Variants in ZBTB20 observed in about 807,000 individuals in gnomAD.
ZBTB20 encodes the protein zinc finger and BTB domain-containing protein 20.
A neutral mutation model predicts 56.9 loss-of-function variants in ZBTB20; 9 were observed. The observed-to-expected ratio is 0.16, with a 90% CI of 0.10 to 0.28. The LOEUF (loss-of-function observed/expected upper bound fraction) is 0.28. Among genes scored for constraint, ZBTB20 ranks in the 10% least tolerant of loss-of-function variants. ZBTB20 has a pLI of 1.00. For missense variants in ZBTB20, 655 were observed against 1,003.0 expected, an observed-to-expected ratio of 0.65 and a Z score of 4.69; for synonymous variants, 417 against 420.7, an observed-to-expected ratio of 0.99 and a Z score of 0.11.
At chr3:114,883,500 T>C (rs1269946595) in intron 4 of ZBTB20, among the ~76,000 whole-genome samples, 1 of 152,198 alleles carries the variant, frequency 6.6e-6, no homozygotes, top group Non-Finnish European at 1.5e-5. Flanking sequence ...ATATACAAAA[T>C]AATGTCAAAA....
chr3:114,756,878 T>A (rs1436843963), intron 5 of ZBTB20, among the ~76,000 whole-genome samples: 4 of 152,178 alleles, frequency 2.6e-5, no homozygotes, highest in Non-Finnish European at 1.5e-5. Context: ...GACTTAAATA[T>A]GATTTTTGTT....
intron 5 of ZBTB20, among the ~76,000 whole-genome samples, chr3:114,797,205 T>C (rs997084267): frequency 2.0e-5 from 3 of 151,708 alleles, no homozygotes; most frequent in Admixed American, 6.6e-5. Context: ...ATCTTAAAAA[T>C]ATGTGATGTG....
intron 2 of ZBTB20, among the ~76,000 whole-genome samples, chr3:115,033,409 C>A (rs527564587): frequency 6.6e-6 from 1 of 151,654 alleles, no homozygotes; most frequent in East Asian, 1.9e-4. Flanking sequence ...GACCTGATGA[C>A]TTCACTGGTG....
chr3:114,473,818 C>T (rs917657997), intron 7 of ZBTB20, among the ~76,000 whole-genome samples: 2 of 152,180 alleles, frequency 1.3e-5, no homozygotes, highest in Admixed American at 6.5e-5. Flanking sequence ...CTTCATCTAT[C>T]TGATGAGGAA....
intron 3 of ZBTB20, among the ~76,000 whole-genome samples, chr3:114,970,983 C>T (rs1303206392): frequency 6.6e-6 from 1 of 151,262 alleles, no homozygotes; most frequent in Non-Finnish European, 1.5e-5. Flanking sequence ...CCACTGCACT[C>T]CAGCCTGGGC....
At chr3:114,741,718 CA>C (rs547113766) in intron 5 of ZBTB20, among the ~76,000 whole-genome samples, 6,177 of 134,934 alleles carry the variant, frequency 0.046, 365 homozygotes, top group African/African-American at 0.15. Context: ...ACTGAAAATA[CA>C]AAAAAAAAAA....
chr3:114,913,150 A>G (rs2075610057), intron 3 of ZBTB20, among the ~76,000 whole-genome samples: 1 of 152,058 alleles, frequency 6.6e-6, no homozygotes, highest in African/African-American at 2.4e-5. Flanking sequence ...TTTTCTGAAG[A>G]ACCTCCAGGC....
intron 3 of ZBTB20, among the ~76,000 whole-genome samples, chr3:114,907,151 C>T (rs2075350909): frequency 6.6e-6 from 1 of 151,704 alleles, no homozygotes; most frequent in South Asian, 2.1e-4. Context: ...CTATGTACTA[C>T]TTGCAGAAGT....
intron 7 of ZBTB20, among the ~76,000 whole-genome samples, chr3:114,421,475 AGCC>A (rs1322994146): frequency 4.6e-5 from 7 of 152,170 alleles, no homozygotes; most frequent in African/African-American, 1.7e-4. Context: ...GGCAGCAATG[AGCC>A]GACGTTTTGT....
intron 4 of ZBTB20, among the ~76,000 whole-genome samples, chr3:114,816,522 T>G (rs953011479): frequency 6.6e-6 from 1 of 152,104 alleles, no homozygotes; most frequent in African/African-American, 2.4e-5. Context: ...TTAGGGGAGA[T>G]AGAAATTTTC....
At position 115,087,389 on chromosome 3, in the gene ZBTB20, G is replaced by C. The variant is rs528758702; in HGVS notation, c.-702-15975C>G. On this transcript the variant is annotated intron_variant, in intron 1 of 11. Coordinates refer to ENST00000675478, the MANE Select transcript of ZBTB20 (RefSeq NM_001348800.3). Reference sequence around the variant, plus strand: ...ATCCAAATAAAATAGAGAAAAAAAGGCTTCACGTGGTGGACACTGTCCTTA... The same window carrying C: ...ATCCAAATAAAATAGAGAAAAAAAGCCTTCACGTGGTGGACACTGTCCTTA... Among the ~76,000 whole-genome samples the C allele has an allele frequency of 2.1e-4, 32 of 151,836 alleles. No individual in the cohort carries two copies. The East Asian group carries it at 5.8e-3, about 28-fold the overall frequency.
At chr3:114,478,368 A>T (rs578243190) in intron 7 of ZBTB20, among the ~76,000 whole-genome samples, 1 of 152,358 alleles carries the variant, frequency 6.6e-6, no homozygotes, top group South Asian at 2.1e-4. Context: ...TGGGTAAAGT[A>T]CCTTTCTCCT....
intron 3 of ZBTB20, among the ~76,000 whole-genome samples, chr3:114,915,204 G>C (rs1178092252): frequency 2.0e-5 from 3 of 151,654 alleles, no homozygotes; most frequent in African/African-American, 7.3e-5. Flanking sequence ...AGGTCCCAGG[G>C]TTTCCTTTGC....
intron 2 of ZBTB20, among the ~76,000 whole-genome samples, chr3:115,006,480 T>TAA (rs1553877325): frequency 1.3e-4 from 20 of 151,400 alleles, no homozygotes; most frequent in African/African-American, 4.1e-4. Context: ...TATATATATA[T>TAA]AACCATTTGT....
chr3:114,982,935 A>G (rs371345101), intron 2 of ZBTB20, among the ~76,000 whole-genome samples: 3 of 152,006 alleles, frequency 2.0e-5, no homozygotes, highest in East Asian at 3.8e-4. Flanking sequence ...GGAATAAAAT[A>G]TCATCCTTTG....
intron 2 of ZBTB20, among the ~76,000 whole-genome samples, chr3:115,013,237 T>C (rs1366830105): frequency 2.0e-5 from 3 of 150,004 alleles, no homozygotes; most frequent in Non-Finnish European, 4.5e-5. Flanking sequence ...GAGTAGAAAA[T>C]GAAGAAAATA....
chr3:114,585,445 A>G, intron 6 of ZBTB20, among the ~76,000 whole-genome samples: 1 of 152,104 alleles, frequency 6.6e-6, no homozygotes, highest in East Asian at 1.9e-4. Flanking sequence ...CCCATCTCAT[A>G]TCATTCTATA....
At chr3:114,528,549 CTG>C (rs2047489459) in intron 6 of ZBTB20, 1 of 152,166 alleles carries the variant, frequency 6.6e-6, no homozygotes, top group Admixed American at 6.5e-5. Flanking sequence ...AATGAGATGA[CTG>C]AAATAATTTA....
intron 6 of ZBTB20, among the ~76,000 whole-genome samples, chr3:114,618,238 CTTTTTTT>C (rs111549198): frequency 8.4e-6 from 1 of 119,292 alleles, no homozygotes; most frequent in Admixed American, 9.5e-5. Flanking sequence ...TGTTTCTTTC[CTTTTTTT>C]TTTTTTTTTT....
Sources: allele counts gnomAD v4.1 joint callset (sites outside exome capture counted in the v4.1 genomes callset), GRCh38; gene constraint gnomAD v4.1.1; transcripts MANE v1.5; gene names NCBI Gene and HGNC (gene_info 2026-07-23, HGNC 2026-07-21).